TMEM63A: variants seen among roughly 807,000 people sequenced by gnomAD.
TMEM63A encodes transmembrane protein 63A, also known as mechanosensitive cation channel TMEM63A.
A neutral mutation model predicts 100.6 loss-of-function variants in TMEM63A; 76 were observed. The observed-to-expected ratio is 0.76, with a 90% CI of 0.63 to 0.91. The LOEUF is 0.91. Ranked by LOEUF, TMEM63A falls within the 40% of genes least tolerant of loss-of-function variation. The probability of loss-of-function intolerance (pLI) is 0.00; values close to 1 mark genes in which losing one functional copy is unlikely to be tolerated. For missense variants in TMEM63A, 876 were observed against 1,008.8 expected, an observed-to-expected ratio of 0.87 and a Z score of 1.78; for synonymous variants, 401 against 401.1, an observed-to-expected ratio of 1.00 and a Z score of 0.00.
chr1:225,866,417 T>C (rs988254906), intron 9 of TMEM63A, 157 bp downstream of exon 9: 12 of 620,972 alleles, frequency 1.9e-5, no homozygotes, highest in Middle Eastern at 8.9e-4. Flanking sequence ...TTTTTAAAGA[T>C]GGTGCCAAGT....
rs192912983 is a variant in TMEM63A, at chr1:225,878,567, A to T, written c.-15+653T>A. 9.0e-4 allele frequency among the ~76,000 whole-genome samples: 137 copies of T among 152,252 alleles called. 1 individual carries two copies. Among genetic ancestry groups the T allele is most frequent in the Middle Eastern group, 3.4e-3 (1 of 294 alleles). On this transcript the variant is annotated intron_variant, in intron 2 of 24. Transcript: ENST00000366835. ...AAATCTCCAGTGTCTGTCCCCTGAC[A>T]CCAGAGGACCGGGAGTTAGTGTCCA...
downstream of TMEM63A, chr1:225,844,446 C>A: frequency 1.9e-6 from 3 of 1,613,316 alleles, no homozygotes; most frequent in Non-Finnish European, 2.5e-6. Flanking sequence ...TGCCCTTTGT[C>A]ACACAACTGC....
chr1:225,878,509 T>A (rs1248231744), intron 2 of TMEM63A, among the ~76,000 whole-genome samples: 1 of 152,170 alleles, frequency 6.6e-6, no homozygotes, highest in Non-Finnish European at 1.5e-5. Context: ...CTTTCCTTCC[T>A]GAGGCTCCTG....
chr1:225,867,194 G>A lies in TMEM63A; in HGVS notation c.515-31C>T. On this transcript the variant is annotated intron_variant, in intron 7 of 24. Coordinates refer to ENST00000366835, the MANE Select transcript of TMEM63A (RefSeq NM_014698.3). This position sits in a 1 kb window ranked among gnomAD's most constrained non-coding sequence, Gnocchi z 4.6. Reference sequence around the variant, plus strand: ...GAGAAGCACAGATACTTAGTTCCAGGGTCATGTGGGGAAGCAGGAGGGGGC... The same window carrying A: ...GAGAAGCACAGATACTTAGTTCCAGAGTCATGTGGGGAAGCAGGAGGGGGC... 1 of 1,612,646 alleles carries A rather than the reference G, an allele frequency of 6.2e-7. No individual in the cohort carries two copies. Among genetic ancestry groups the A allele is most frequent in the East Asian group, 2.2e-5 (1 of 44,854 alleles).
intron 4 of TMEM63A, 40 bp downstream of exon 4, chr1:225,874,248 A>T (rs1225730913): frequency 3.8e-6 from 6 of 1,583,398 alleles, no homozygotes; most frequent in Admixed American, 1.7e-5. Context: ...ACTCACACGT[A>T]CGCACACGCA....
chr1:225,853,566 G>A lies in TMEM63A; in HGVS notation c.1797+63C>T, dbSNP rs1669459165. 16 of 1,444,834 alleles carry A rather than the reference G, an allele frequency of 1.1e-5. No homozygotes were observed. Among genetic ancestry groups the A allele is most frequent in the South Asian group, 5.7e-5 (4 of 69,858 alleles). The allele number at this position is 1,444,834 out of a possible 1,614,324, so 89.5% of individuals were successfully genotyped here. The stretch of plus-strand genomic sequence containing the variant: ...GGGGTAGTGGGGGTGAGAGGCCCTC[G>A]GGTCAGTGAAGGGGGACATGGGAGG... On this transcript the variant is annotated intron_variant, in intron 19 of 24. Transcript: ENST00000366835. The surrounding 1 kb of genome is among the most constrained non-coding windows in gnomAD (Gnocchi z 4.0).
chr1:225,855,996 A>G, intron 17 of TMEM63A, 56 bp from the exon 18 acceptor site: 1 of 1,558,354 alleles, frequency 6.4e-7, no homozygotes, highest in East Asian at 2.3e-5. Context: ...TATTGTCACT[A>G]CACATGCTTT....
chr1:225,868,077 G>A lies in TMEM63A; in HGVS notation c.372-47C>T, dbSNP rs140192805. On this transcript the variant is annotated intron_variant, in intron 6 of 24. Coordinates refer to ENST00000366835, the MANE Select transcript of TMEM63A (RefSeq NM_014698.3). Reference sequence around the variant, plus strand: ...CTTAATGAGCAGTGGAACAGGCCTCGGGGCTCTGCATGAAGTGTCTCATAT... The same window carrying A: ...CTTAATGAGCAGTGGAACAGGCCTCAGGGCTCTGCATGAAGTGTCTCATAT... 8.2e-4 allele frequency: 1,320 copies of A among 1,607,186 alleles called. 4 individuals are homozygous for A. Among genetic ancestry groups the A allele is most frequent in the South Asian group, 3.3e-3 (297 of 90,404 alleles).
At position 225,874,308 on chromosome 1, in the gene TMEM63A, G is replaced by C; in HGVS notation, c.246C>G (p.Ala82=). 6.2e-7 allele frequency: 1 copy of C among 1,614,010 alleles called. No homozygotes were observed. Among genetic ancestry groups the C allele is most frequent in the Non-Finnish European group, 8.5e-7 (1 of 1,179,998 alleles). ...TTTACCTGTCTGCTTCTGACACCAG[G>C]GCAATGCGGCCATAGTCCCAGAATC... ...RRRFWDYGRI[A]LVSEADSESR... Residue 82 remains alanine (A), a synonymous_variant, in exon 4 of 25, where the codon GCC becomes GCG. Coordinates refer to ENST00000366835, the MANE Select transcript of TMEM63A (RefSeq NM_014698.3).
At chr1:225,845,044 G>A (rs1668825776), downstream of TMEM63A, 2 of 1,233,272 alleles carry the variant, frequency 1.6e-6, no homozygotes, top group Non-Finnish European at 2.4e-6. Context: ...CCTTGTGGGT[G>A]GGCCAGCTGA....
Position 225,853,662 on chromosome 1 carries a change from G to A in TMEM63A, c.1764C>T (p.Ala588=). Residue 588 remains alanine, a synonymous_variant, in exon 19 of 25, where the codon GCC becomes GCT. Coordinates refer to ENST00000366835, the MANE Select transcript of TMEM63A (RefSeq NM_014698.3). This position sits in a 1 kb window ranked among gnomAD's most constrained non-coding sequence, Gnocchi z 4.0. ...LILYTFRMIM[A]KTAADRRNVK... ...CATTCCTGCGGTCAGCAGCCGTCTT[G>A]GCCATGATCATGCGGAAGGTATAGA... The A allele has an allele frequency of 6.3e-7, 1 of 1,576,630 alleles. No individual in the cohort carries two copies. Among genetic ancestry groups the A allele is most frequent in the Non-Finnish European group, 8.6e-7 (1 of 1,160,918 alleles).
At chr1:225,845,042 G>C (rs1668825295), downstream of TMEM63A, 1 of 1,222,204 alleles carries the variant, frequency 8.2e-7, no homozygotes, top group Non-Finnish European at 1.2e-6. Flanking sequence ...CTCCTTGTGG[G>C]TGGGCCAGCT....
intron 10 of TMEM63A, among the ~76,000 whole-genome samples, chr1:225,863,498 G>A (rs1283454485): frequency 6.6e-6 from 1 of 152,150 alleles, no homozygotes; most frequent in Non-Finnish European, 1.5e-5. Flanking sequence ...TTTGTGCTAG[G>A]TCAGTATCTA....
At chr1:225,857,785 A>C (rs1030121285) in intron 15 of TMEM63A, among the ~76,000 whole-genome samples, 2 of 152,342 alleles carry the variant, frequency 1.3e-5, no homozygotes, top group South Asian at 2.1e-4. Flanking sequence ...GGTTGATGTA[A>C]AGTAGACAAA....
chr1:225,862,990 T>C lies in TMEM63A; in HGVS notation c.747-139A>G, dbSNP rs531399604. On this transcript the variant is annotated intron_variant, in intron 10 of 24. Transcript: ENST00000366835. The surrounding 1 kb of genome is among the most constrained non-coding windows in gnomAD (Gnocchi z 5.1). The stretch of plus-strand genomic sequence containing the variant: ...TTTCTGTGCCAGCGGAGACCTCTCT[T>C]CTCTTTGTCTTTTATCCTCCAAAAG... 4.0e-6 allele frequency: 3 copies of C among 746,238 alleles called. No homozygotes were observed. Among genetic ancestry groups the C allele is most frequent in the Non-Finnish European group, 6.8e-6 (3 of 439,630 alleles). The allele number at this position is 746,238 out of a possible 1,614,324, so 46.2% of individuals were successfully genotyped here.
intron 10 of TMEM63A, chr1:225,864,836 A>G (rs1367526342): frequency 6.6e-6 from 1 of 152,254 alleles, no homozygotes; most frequent in African/African-American, 2.4e-5. Flanking sequence ...AGGAATGAAG[A>G]GAGGCCGGGC....
In TMEM63A at chr1:225,853,610, T is replaced by G. The variant is rs1559036288; in HGVS notation, c.1797+19A>C. The G allele has an allele frequency of 6.5e-7, 1 of 1,542,326 alleles. No homozygotes were observed. The highest frequency in any genetic ancestry group is 1.2e-5 in the South Asian group (1 of 81,850). On this transcript the variant is annotated intron_variant, in intron 19 of 24. Coordinates refer to ENST00000366835, the MANE Select transcript of TMEM63A (RefSeq NM_014698.3). This position sits in a 1 kb window ranked among gnomAD's most constrained non-coding sequence, Gnocchi z 4.0. ...TGGGAGGGAGTCAGAGGCACAGCCC[T>G]GGGCCCAGGGGATGGCACCTGCTTG...
At chr1:225,874,231 T>C (rs967778661) in intron 4 of TMEM63A, 57 bp downstream of exon 4, 2 of 1,522,508 alleles carry the variant, frequency 1.3e-6, no homozygotes, top group Admixed American at 1.8e-5. Flanking sequence ...CTCACGCACA[T>C]ATACACACTC....
downstream of TMEM63A, among the ~76,000 whole-genome samples, chr1:225,844,826 C>T (rs572990901): frequency 6.6e-6 from 1 of 152,260 alleles, no homozygotes; most frequent in Non-Finnish European, 1.5e-5. Context: ...GGCTCCCGGG[C>T]GGCCCTCAGT....
Sources: allele counts gnomAD v4.1 joint callset (sites outside exome capture counted in the v4.1 genomes callset), GRCh38; gene constraint gnomAD v4.1.1; non-coding constraint Gnocchi (gnomAD v3.1); transcripts MANE v1.5; gene names NCBI Gene and HGNC (gene_info 2026-07-23, HGNC 2026-07-21).